Variants in LRP12 observed in about 807,000 individuals in gnomAD.
The protein encoded by LRP12 is low-density lipoprotein receptor-related protein 12.
LRP12 carries 14 observed loss-of-function variants against 66.0 expected under a neutral mutation model. The observed-to-expected ratio is 0.21, with a 90% CI of 0.14 to 0.33. The LOEUF is 0.33. Among genes scored for constraint, LRP12 ranks in the 10% least tolerant of loss-of-function variants. LRP12 has a pLI of 1.00. For missense variants in LRP12, 889 were observed against 1,053.4 expected, an observed-to-expected ratio of 0.84 and a Z score of 2.16; for synonymous variants, 357 against 359.1, an observed-to-expected ratio of 0.99 and a Z score of 0.07.
chr8:104,553,489 G>A (rs1422793884), intron 1 of LRP12, among the ~76,000 whole-genome samples: 5 of 152,042 alleles, frequency 3.3e-5, no homozygotes, highest in Admixed American at 6.6e-5. Context: ...CTTCCCTGGC[G>A]ACCTGTATGA....
chr8:104,569,557 T>C (rs979729805), intron 1 of LRP12, among the ~76,000 whole-genome samples: 4 of 152,168 alleles, frequency 2.6e-5, no homozygotes, highest in Admixed American at 6.5e-5. Flanking sequence ...AATCACATAA[T>C]GACATGAGTA....
chr8:104,562,673 T>C (rs1811931835), intron 1 of LRP12, among the ~76,000 whole-genome samples: 1 of 152,200 alleles, frequency 6.6e-6, no homozygotes, highest in Admixed American at 6.5e-5. Context: ...AGTTAATCTT[T>C]GTTCTAATTT....
intron 1 of LRP12, among the ~76,000 whole-genome samples, chr8:104,545,775 T>C (rs1285881578): frequency 6.6e-6 from 1 of 152,210 alleles, no homozygotes; most frequent in Non-Finnish European, 1.5e-5. Context: ...ACTCACTTTA[T>C]TGTGACATTC....
At chr8:104,588,390 C>A (rs913340582) in intron 1 of LRP12, among the ~76,000 whole-genome samples, 2 of 152,162 alleles carry the variant, frequency 1.3e-5, no homozygotes, top group Non-Finnish European at 2.9e-5. Flanking sequence ...AACTTCCTAA[C>A]CCCGGGTTGA....
intron 2 of LRP12, among the ~76,000 whole-genome samples, chr8:104,511,030 CTTTTTTTTT>C (rs11350393): frequency 2.5e-3 from 136 of 54,370 alleles, no homozygotes; most frequent in Non-Finnish European, 3.4e-3. Context: ...GGAAAAATGA[CTTTTTTTTT>C]TTTTTTTTTT....
intron 2 of LRP12, among the ~76,000 whole-genome samples, chr8:104,514,111 C>T (rs2140847495): frequency 6.6e-6 from 1 of 152,210 alleles, no homozygotes; most frequent in East Asian, 1.9e-4. Flanking sequence ...GAGATTAAAA[C>T]CGGAAATTTC....
At position 104,548,199 on chromosome 8, in the gene LRP12, T is replaced by TAA. The variant is rs1364593609; in HGVS notation, c.80-16237_80-16236insTT. ...ATAATATATAATATATATATAAATATATGATATATTTATATTAATATATGA... is the reference window on the plus strand; with the variant it reads ...ATAATATATAATATATATATAAATATAAATGATATATTTATATTAATATATGA... On this transcript the variant is annotated intron_variant, in intron 1 of 6. Transcript: ENST00000276654. Among the ~76,000 whole-genome samples, 10 of 90,018 alleles carry TAA rather than the reference T, an allele frequency of 1.1e-4. No homozygotes were observed. In the South Asian group the frequency reaches 2.1e-3, roughly 19 times the overall value. The allele number at this position is 90,018 out of a possible 152,430, so 59.1% of individuals were successfully genotyped here. A position where few individuals can be genotyped will look rare whatever the true frequency, so the allele number is the denominator to read the frequency against.
At position 104,588,970 on chromosome 8, in the gene LRP12, A is replaced by ACGCCGCCACCGCCGC; in HGVS notation, c.-74_-73insGCGGCGGTGGCGGCG. 1 of 600,566 alleles carries ACGCCGCCACCGCCGC rather than the reference A, an allele frequency of 1.7e-6. No homozygotes were observed. Among genetic ancestry groups the ACGCCGCCACCGCCGC allele is most frequent in the Non-Finnish European group, 2.6e-6 (1 of 387,020 alleles). 37.2% of individuals were successfully genotyped at this position (600,566 alleles called of 1,614,324 possible). On this transcript the variant is annotated 5_prime_UTR_variant, in exon 1 of 7. Coordinates refer to ENST00000276654, the MANE Select transcript of LRP12 (RefSeq NM_013437.5). ...GAGAAGCTGGAGGTAGACGACGCCG[A>ACGCCGCCACCGCCGC]CGCCGCCGCCGCCGCCGCCGCCGCC... is the stretch of plus-strand genomic sequence containing the variant.
intron 2 of LRP12, among the ~76,000 whole-genome samples, chr8:104,517,283 G>A (rs1470537181): frequency 6.6e-6 from 1 of 151,014 alleles, no homozygotes; most frequent in African/African-American, 2.4e-5. Context: ...TAATTAAACA[G>A]AAACAAAGGC....
At chr8:104,548,168 TA>T (rs1332052881) in intron 1 of LRP12, among the ~76,000 whole-genome samples, 749 of 58,004 alleles carry the variant, frequency 0.013, 20 homozygotes, top group African/African-American at 0.067. Context: ...AATTATTATA[TA>T]TAATATAATA....
intron 6 of LRP12, among the ~76,000 whole-genome samples, chr8:104,493,038 C>A (rs2140827686): frequency 6.6e-6 from 1 of 152,214 alleles, no homozygotes; most frequent in East Asian, 1.9e-4. Flanking sequence ...TCAACAATGC[C>A]TTCAACATAC....
intron 3 of LRP12, among the ~76,000 whole-genome samples, chr8:104,502,355 A>T (rs1343104362): frequency 6.6e-6 from 1 of 152,166 alleles, no homozygotes; most frequent in African/African-American, 2.4e-5. Context: ...TCCTGCTGTT[A>T]CTTTCCAGCA....
At chr8:104,572,642 CG>C (rs1812099779) in intron 1 of LRP12, among the ~76,000 whole-genome samples, 1 of 151,444 alleles carries the variant, frequency 6.6e-6, no homozygotes, top group Admixed American at 6.6e-5. Context: ...GATATAATCA[CG>C]GATGTAGAAA....
intron 1 of LRP12, among the ~76,000 whole-genome samples, chr8:104,580,490 A>C (rs547760073): frequency 2.6e-4 from 39 of 152,170 alleles, no homozygotes; most frequent in African/African-American, 8.9e-4. Context: ...AGATTGTGCC[A>C]CTGCACTCCA....
Position 104,500,508 on chromosome 8 carries a change from C to T in LRP12, c.273-989G>A, listed in dbSNP as rs149741830. ...GGATCACGAAGTCAGGAGTTTGAGA[C>T]CAGCCTGGCCATGATGAAACCCCGT... On this transcript the variant is annotated intron_variant, in intron 3 of 6. Coordinates refer to ENST00000276654, the MANE Select transcript of LRP12 (RefSeq NM_013437.5). 3.3e-3 allele frequency among the ~76,000 whole-genome samples: 497 copies of T among 152,026 alleles called. 3 individuals carry two copies. Among genetic ancestry groups the T allele is most frequent in the Admixed American group, 5.0e-3 (77 of 15,264 alleles).
Position 104,588,882 on chromosome 8 carries a change from T to G in LRP12, c.16A>C (p.Ser6Arg). The G allele has an allele frequency of 6.2e-7, 1 of 1,609,924 alleles. No individual in the cohort carries two copies. Residue 6 changes from serine to arginine, a missense_variant, in exon 1 of 7, where the codon AGC (serine) becomes CGC (arginine). This residue lies in a region of LRP12 where 88 missense variants were observed against 72.5 expected (regional missense o/e 1.21). Coordinates refer to ENST00000276654, the MANE Select transcript of LRP12 (RefSeq NM_013437.5). ...CTCCACCGCGGAGACTCTTTTGTGC[T>G]CCAGCGACAGGCCATAACCACAGCA... MACRW[S>R]TKESPRWRSA...
chr8:104,556,829 A>G (rs375241814), intron 1 of LRP12, among the ~76,000 whole-genome samples: 1 of 152,282 alleles, frequency 6.6e-6, no homozygotes, highest in African/African-American at 2.4e-5. Flanking sequence ...ACTACAGACC[A>G]ATATCCCTGA....
At chr8:104,535,297 A>T (rs941186385) in intron 1 of LRP12, among the ~76,000 whole-genome samples, 1 of 152,008 alleles carries the variant, frequency 6.6e-6, no homozygotes, top group Non-Finnish European at 1.5e-5. Context: ...GCTTTAGGAA[A>T]GAAACTATAC....
At chr8:104,514,998 G>A (rs565103540) in intron 2 of LRP12, among the ~76,000 whole-genome samples, 22 of 152,208 alleles carry the variant, frequency 1.4e-4, no homozygotes, top group Non-Finnish European at 2.5e-4. Flanking sequence ...TGTAAGTGCT[G>A]GGCACTATTA....
Sources: allele counts gnomAD v4.1 joint callset (sites outside exome capture counted in the v4.1 genomes callset), GRCh38; gene constraint gnomAD v4.1.1; regional missense constraint gnomAD v4.1.1; transcripts MANE v1.5; gene names NCBI Gene and HGNC (gene_info 2026-07-23, HGNC 2026-07-21).